The following IGFL2 variants were observed in gnomAD, a reference collection of about 807,000 sequenced individuals.
The protein encoded by IGFL2 is insulin growth factor-like family member 2.
A neutral mutation model predicts 13.9 loss-of-function variants in IGFL2; 7 were observed. The observed-to-expected ratio is 0.51, with a 90% CI of 0.29 to 0.95. The LOEUF (loss-of-function observed/expected upper bound fraction) is 0.95. Ranked by LOEUF, IGFL2 falls within the 40% of genes least tolerant of loss-of-function variation. The pLI is 0.08. For missense variants in IGFL2, 138 were observed against 147.8 expected (o/e 0.93, Z 0.34); for synonymous variants, 55 against 55.8 (o/e 0.99, Z 0.07).
the IGFL2 span, among the ~76,000 whole-genome samples, chr19:46,180,979 GA>G: frequency 6.6e-6 from 1 of 152,178 alleles, no homozygotes; most frequent in Non-Finnish European, 1.5e-5. Context: ...CCAGTGCACT[GA>G]CTCAGATGTG....
intron 1 of IGFL2, among the ~76,000 whole-genome samples, chr19:46,152,614 A>C (rs1410697741): frequency 6.6e-6 from 1 of 152,172 alleles, no homozygotes; most frequent in Non-Finnish European, 1.5e-5. Context: ...AAATCATGTC[A>C]TTTGCAAATA....
intron 1 of IGFL2, among the ~76,000 whole-genome samples, chr19:46,157,443 C>T (rs1490422693): frequency 1.3e-5 from 2 of 152,186 alleles, no homozygotes; most frequent in Non-Finnish European, 2.9e-5. Flanking sequence ...CTATGTAGGG[C>T]TTATTCCAGA....
chr19:46,160,331 C>A, intron 1 of IGFL2, 84 bp from the exon 2 acceptor site: 1 of 1,236,842 alleles, frequency 8.1e-7, no homozygotes, highest in Non-Finnish European at 1.2e-6. Flanking sequence ...ACTAAGCCTT[C>A]CCCACCCTGG....
the IGFL2 span, among the ~76,000 whole-genome samples, chr19:46,096,506 C>CT: frequency 4.6e-5 from 7 of 152,198 alleles, no homozygotes; most frequent in Admixed American, 1.3e-4. Context: ...TTTGAATACT[C>CT]TTTATTTCTT....
chr19:46,140,059 C>T (rs1369937971), upstream of IGFL2, among the ~76,000 whole-genome samples: 2 of 152,068 alleles, frequency 1.3e-5, no homozygotes. Flanking sequence ...AAACGATTCT[C>T]CTGCCTCAGC....
chr19:46,087,125 A>G, the IGFL2 span, among the ~76,000 whole-genome samples: 160 of 152,216 alleles, frequency 1.1e-3, no homozygotes, highest in African/African-American at 3.6e-3. Flanking sequence ...TTGATCAGGT[A>G]TTGAGAATAG....
chr19:46,172,399 T>G, the IGFL2 span, among the ~76,000 whole-genome samples: 1 of 152,206 alleles, frequency 6.6e-6, no homozygotes. Context: ...GTATACTTCA[T>G]GAAGACGTGA....
At chr19:46,177,357 C>T in the IGFL2 span, among the ~76,000 whole-genome samples, 1 of 152,148 alleles carries the variant, frequency 6.6e-6, no homozygotes, top group Non-Finnish European at 1.5e-5. Context: ...CGTACCACTA[C>T]CCTCCAGCTT....
chr19:46,171,086 A>C, the IGFL2 span, among the ~76,000 whole-genome samples: 40 of 152,012 alleles, frequency 2.6e-4, no homozygotes, highest in African/African-American at 6.5e-4. Flanking sequence ...GCTAATAAAA[A>C]CTTGCTGGTT....
chr19:46,178,688 C>G, the IGFL2 span, among the ~76,000 whole-genome samples: 1 of 152,220 alleles, frequency 6.6e-6, no homozygotes, highest in African/African-American at 2.4e-5. Context: ...CTACTGACTT[C>G]AAGTCTTTAG....
chr19:46,193,428 G>C, the IGFL2 span, among the ~76,000 whole-genome samples: 2 of 152,044 alleles, frequency 1.3e-5, no homozygotes, highest in Admixed American at 1.3e-4. Flanking sequence ...TTTCTCAAGA[G>C]GGCTTTCTTT....
chr19:46,149,160 C>T, intron 1 of IGFL2: 1 of 679,128 alleles, frequency 1.5e-6, no homozygotes, highest in Non-Finnish European at 2.7e-6. Context: ...CCCTCTCTCT[C>T]TTCTCTCTCT....
At chr19:46,109,496 T>C in the IGFL2 span, among the ~76,000 whole-genome samples, 1 of 151,988 alleles carries the variant, frequency 6.6e-6, no homozygotes, top group African/African-American at 2.4e-5. Flanking sequence ...TTTTGTATTT[T>C]TAGTAGAGAT....
the IGFL2 span, among the ~76,000 whole-genome samples, chr19:46,192,423 CT>C: frequency 2.2e-3 from 308 of 142,044 alleles, no homozygotes; most frequent in Admixed American, 2.2e-3. Flanking sequence ...CATTCTTTTG[CT>C]TTTTTTTTTT....
At chr19:46,124,012 A>G in the IGFL2 span, 1 of 1,611,564 alleles carries the variant, frequency 6.2e-7, no homozygotes, top group Non-Finnish European at 8.5e-7. Flanking sequence ...GCAGGGCCAG[A>G]AGGTGCAGGT....
chr19:46,086,776 A>G, the IGFL2 span, among the ~76,000 whole-genome samples: 1 of 152,074 alleles, frequency 6.6e-6, no homozygotes, highest in Non-Finnish European at 1.5e-5. Flanking sequence ...ATTTGCTCTC[A>G]TGGGGAGGAT....
chr19:46,124,077 C>G, the IGFL2 span: 13 of 1,611,636 alleles, frequency 8.1e-6, no homozygotes, highest in South Asian at 1.1e-4. Flanking sequence ...CATAACAGCA[C>G]TGCTCTGAAG....
the IGFL2 span, among the ~76,000 whole-genome samples, chr19:46,169,869 T>A: frequency 1.5e-4 from 18 of 122,636 alleles, no homozygotes; most frequent in Admixed American, 4.1e-4. Context: ...AAAAAAAAAA[T>A]GGAGATAACA....
At chr19:46,090,733 C>T in the IGFL2 span, among the ~76,000 whole-genome samples, 2,049 of 152,302 alleles carry the variant, frequency 0.013, 32 homozygotes, top group Middle Eastern at 0.027. Context: ...GTCTGTAGCC[C>T]AGGGCCCAGG....
Sources: gnomAD v4.1 joint callset for allele counts (sites outside exome capture counted in the v4.1 genomes callset) on GRCh38, gnomAD v4.1.1 for gene constraint, MANE v1.5 for transcripts, NCBI Gene and HGNC (gene_info 2026-07-23, HGNC 2026-07-21) for gene names.